Variants in CAST observed in about 807,000 individuals in gnomAD.
The protein encoded by CAST is calpastatin.
Under a neutral mutation model 119.6 loss-of-function variants are expected in CAST, and 76 were observed. The ratio of observed to expected loss-of-function variants is 0.64; its 90% CI spans 0.53 to 0.77. The LOEUF (loss-of-function observed/expected upper bound fraction) is 0.77, where lower values mean the gene tolerates loss of function less well. Among genes scored for constraint, CAST ranks in the 30% least tolerant of loss-of-function variants. CAST has a pLI of 0.00. For synonymous variants in CAST, 319 were observed against 331.6 expected (o/e 0.96, Z 0.41); for missense variants, 953 against 946.5 (o/e 1.01, Z -0.09).
the CAST span, among the ~76,000 whole-genome samples, chr5:96,519,486 A>G: frequency 1.3e-5 from 2 of 152,134 alleles, no homozygotes; most frequent in South Asian, 4.1e-4. Context: ...CAGTTGTGTA[A>G]TTGTTTTCCT....
chr5:96,324,644 G>C, the CAST span, among the ~76,000 whole-genome samples: 1 of 152,048 alleles, frequency 6.6e-6, no homozygotes, highest in South Asian at 2.1e-4. Context: ...AGTTTTTCAA[G>C]GTTTTTATTG....
chr5:96,547,520 A>C (rs1221788780), intron 1 of CAST, among the ~76,000 whole-genome samples: 1 of 152,194 alleles, frequency 6.6e-6, no homozygotes, highest in African/African-American at 2.4e-5. Flanking sequence ...GTTCACTAAC[A>C]CTGGTGTCGA....
At chr5:96,530,844 T>A (rs1284450130) in intron 1 of CAST, among the ~76,000 whole-genome samples, 1 of 152,124 alleles carries the variant, frequency 6.6e-6, no homozygotes, top group Non-Finnish European at 1.5e-5. Context: ...CAGGCTGGAG[T>A]ACAGTGGCAC....
At chr5:96,686,901 GT>G (rs779072343) in intron 2 of CAST, among the ~76,000 whole-genome samples, 1 of 152,086 alleles carries the variant, frequency 6.6e-6, no homozygotes, top group Non-Finnish European at 1.5e-5. Context: ...AATTATAGGG[GT>G]GGCTGGTTTT....
At chr5:96,564,931 G>A (rs915403949) in intron 1 of CAST, among the ~76,000 whole-genome samples, 8 of 152,178 alleles carry the variant, frequency 5.3e-5, no homozygotes, top group African/African-American at 9.7e-5. Flanking sequence ...CCTATTCTGC[G>A]AAGTATCTAT....
At chr5:96,008,643 T>C in the CAST span, among the ~76,000 whole-genome samples, 2 of 152,100 alleles carry the variant, frequency 1.3e-5, no homozygotes, top group Non-Finnish European at 2.9e-5. Context: ...ATCCAAGAAA[T>C]ACATTTTCCT....
At chr5:96,206,937 G>C in the CAST span, among the ~76,000 whole-genome samples, 262 of 152,200 alleles carry the variant, frequency 1.7e-3, 1 homozygote, top group Admixed American at 3.1e-3. Context: ...CTATCCATGA[G>C]CATGGAATGT....
the CAST span, among the ~76,000 whole-genome samples, chr5:96,170,895 TA>T: frequency 6.6e-6 from 1 of 152,014 alleles, no homozygotes; most frequent in African/African-American, 2.4e-5. Flanking sequence ...GGAGAGGTGA[TA>T]AAAGGATTAT....
At chr5:96,011,957 A>G in the CAST span, among the ~76,000 whole-genome samples, 2 of 152,208 alleles carry the variant, frequency 1.3e-5, no homozygotes, top group African/African-American at 4.8e-5. Context: ...AATACATAAG[A>G]AACTAGTAAT....
At chr5:96,045,179 C>G in the CAST span, among the ~76,000 whole-genome samples, 13 of 151,980 alleles carry the variant, frequency 8.6e-5, no homozygotes, top group African/African-American at 2.7e-4. Flanking sequence ...ATGGTGAAAC[C>G]CTGTCTCTAC....
chr5:96,484,864 A>G, the CAST span, among the ~76,000 whole-genome samples: 2 of 152,140 alleles, frequency 1.3e-5, no homozygotes, highest in Non-Finnish European at 2.9e-5. Flanking sequence ...TGTACTGTCA[A>G]TAAAAGTACC....
the CAST span, among the ~76,000 whole-genome samples, chr5:96,231,873 TGAG>T: frequency 6.6e-6 from 1 of 152,060 alleles, no homozygotes; most frequent in African/African-American, 2.4e-5. Flanking sequence ...ATATCAGAAC[TGAG>T]GAGATTACCG....
chr5:96,664,318 CAT>C (rs145128731), intron 1 of CAST, among the ~76,000 whole-genome samples: 4,813 of 151,310 alleles, frequency 0.032, 256 homozygotes, highest in African/African-American at 0.11. Flanking sequence ...TATATTTACA[CAT>C]ATATGTAAAT....
chr5:96,142,370 T>A, the CAST span, among the ~76,000 whole-genome samples: 1 of 152,190 alleles, frequency 6.6e-6, no homozygotes, highest in African/African-American at 2.4e-5. Flanking sequence ...GCTGAGATTG[T>A]GCCACTGCAC....
At chr5:96,635,326 G>A (rs1747873175) in intron 1 of CAST, among the ~76,000 whole-genome samples, 1 of 152,146 alleles carries the variant, frequency 6.6e-6, no homozygotes, top group African/African-American at 2.4e-5. Context: ...TCTTTTTAAG[G>A]GGAGAGGATA....
At chr5:95,980,844 G>A in the CAST span, among the ~76,000 whole-genome samples, 1 of 152,092 alleles carries the variant, frequency 6.6e-6, no homozygotes, top group African/African-American at 2.4e-5. Flanking sequence ...GGACCCCCAA[G>A]AGTAGTGCCA....
chr5:95,965,567 A>T, the CAST span, among the ~76,000 whole-genome samples: 1 of 152,198 alleles, frequency 6.6e-6, no homozygotes, highest in Non-Finnish European at 1.5e-5. Context: ...ATAGCACAGA[A>T]GCTCTCTCAA....
At chr5:96,733,378 A>C (rs1346037187) in intron 9 of CAST, among the ~76,000 whole-genome samples, 1 of 152,234 alleles carries the variant, frequency 6.6e-6, no homozygotes, top group East Asian at 1.9e-4. Flanking sequence ...GGATAGATTT[A>C]AGGCAGAGGA....
At chr5:96,354,519 G>C in the CAST span, among the ~76,000 whole-genome samples, 1 of 151,754 alleles carries the variant, frequency 6.6e-6, no homozygotes, top group African/African-American at 2.4e-5. Flanking sequence ...ACCATGGGTT[G>C]AGACGTATCC....
Sources: gnomAD v4.1 joint callset for allele counts (sites outside exome capture counted in the v4.1 genomes callset) on GRCh38, gnomAD v4.1.1 for gene constraint, MANE v1.5 for transcripts, NCBI Gene and HGNC (gene_info 2026-07-23, HGNC 2026-07-21) for gene names.